The following SLC38A1 variants were observed in gnomAD, a reference collection of about 807,000 sequenced individuals.
The protein encoded by SLC38A1 is sodium-coupled neutral amino acid symporter 1.
In SLC38A1, 18 loss-of-function variants were observed where a neutral mutation model predicts 60.3. The ratio of observed to expected loss-of-function variants is 0.30; its 90% CI spans 0.21 to 0.44. The LOEUF (loss-of-function observed/expected upper bound fraction) is 0.44. Ranked by LOEUF, SLC38A1 falls within the 20% of genes least tolerant of loss-of-function variation. The probability of loss-of-function intolerance (pLI) is 1.00; values close to 1 mark genes in which losing one functional copy is unlikely to be tolerated. For missense variants in SLC38A1, 448 were observed against 587.2 expected (o/e 0.76, Z 2.45); for synonymous variants, 196 against 212.1 (o/e 0.92, Z 0.66).
chr12:46,207,383 A>G, intron 7 of SLC38A1, 146 bp downstream of exon 7: 1 of 1,034,394 alleles, frequency 9.7e-7, no homozygotes, highest in Non-Finnish European at 1.4e-6. Flanking sequence ...GTGGCTTTAA[A>G]TAAGTGACTG....
rs1456986950 is a variant in SLC38A1, at chr12:46,196,248, T to A, written c.1362+1472A>T. 4 of 1,535,952 alleles carry A rather than the reference T, an allele frequency of 2.6e-6. No individual in the cohort carries two copies. The South Asian group carries it at 3.6e-5, about 14-fold the overall frequency. ...GATGCATTCTGAGAGCCAACAGGGC[T>A]GGACTGGAAACTGGAGGAAGAGAAA... On this transcript the variant is annotated intron_variant, in intron 16 of 16. Transcript: ENST00000398637.
Position 46,188,758 on chromosome 12 carries a change from T to G in SLC38A1, c.*212A>C. On this transcript the variant is annotated 3_prime_UTR_variant, in exon 17 of 17. Coordinates refer to ENST00000398637, the MANE Select transcript of SLC38A1 (RefSeq NM_030674.4). ...ATTGTATGAAATTTGAAAAAAAAATTTCACAATCCCTAAATTGATCTCAAA... is the reference window on the plus strand; with the variant it reads ...ATTGTATGAAATTTGAAAAAAAAATGTCACAATCCCTAAATTGATCTCAAA... 2.3e-6 allele frequency: 1 copy of G among 434,694 alleles called. No individual in the cohort carries two copies. Among genetic ancestry groups the G allele is most frequent in the Non-Finnish European group, 4.1e-6 (1 of 242,088 alleles). The allele number at this position is 434,694 out of a possible 1,614,324, so 26.9% of individuals were successfully genotyped here.
intron 1 of SLC38A1, among the ~76,000 whole-genome samples, chr12:46,253,030 T>C (rs573293843): frequency 1.7e-4 from 24 of 141,256 alleles, no homozygotes; most frequent in African/African-American, 5.8e-4. Flanking sequence ...TACACAGACA[T>C]AGAGAATAAA....
At chr12:46,248,522 C>A (rs1377597344) in intron 1 of SLC38A1, among the ~76,000 whole-genome samples, 1 of 152,092 alleles carries the variant, frequency 6.6e-6, no homozygotes, top group African/African-American at 2.4e-5. Flanking sequence ...AGCACCCAGA[C>A]TCATAAAGCA....
At chr12:46,212,038 T>C (rs146247866) in intron 5 of SLC38A1, among the ~76,000 whole-genome samples, 1 of 152,352 alleles carries the variant, frequency 6.6e-6, no homozygotes, top group Admixed American at 6.5e-5. Context: ...TTCAGATTCT[T>C]AGAAAGAAGG....
intron 5 of SLC38A1, among the ~76,000 whole-genome samples, chr12:46,218,748 G>A (rs1000584122): frequency 1.3e-5 from 2 of 152,134 alleles, no homozygotes; most frequent in African/African-American, 2.4e-5. Flanking sequence ...CAGAGCATTC[G>A]GGGATCAGAG....
chr12:46,243,627 G>A (rs1941517798), intron 1 of SLC38A1, among the ~76,000 whole-genome samples: 1 of 152,192 alleles, frequency 6.6e-6, no homozygotes. Flanking sequence ...ACAGAGGCAG[G>A]AAGTGCAGAT....
At chr12:46,224,415 A>T (rs1287126793) in intron 5 of SLC38A1, among the ~76,000 whole-genome samples, 1 of 152,176 alleles carries the variant, frequency 6.6e-6, no homozygotes, top group Non-Finnish European at 1.5e-5. Context: ...GATGACAGCC[A>T]TTATGGATAG....
intron 1 of SLC38A1, among the ~76,000 whole-genome samples, chr12:46,262,055 C>CA (rs1334854190): frequency 6.6e-6 from 1 of 152,216 alleles, no homozygotes; most frequent in Non-Finnish European, 1.5e-5. Flanking sequence ...CAGAAGCTCA[C>CA]AGGGGATGAG....
chr12:46,256,366 G>T (rs1942022603), intron 1 of SLC38A1, among the ~76,000 whole-genome samples: 1 of 151,880 alleles, frequency 6.6e-6, no homozygotes, highest in South Asian at 2.1e-4. Context: ...CAAAATATTT[G>T]ATTTAAGCTT....
intron 2 of SLC38A1, among the ~76,000 whole-genome samples, chr12:46,242,032 G>A (rs1941465119): frequency 6.6e-6 from 1 of 152,214 alleles, no homozygotes; most frequent in East Asian, 1.9e-4. Context: ...AAATACATAT[G>A]TATGTATATA....
At chr12:46,230,920 C>A (rs1455109076) in intron 3 of SLC38A1, among the ~76,000 whole-genome samples, 1 of 152,086 alleles carries the variant, frequency 6.6e-6, no homozygotes, top group Non-Finnish European at 1.5e-5. Flanking sequence ...AATAGAACAC[C>A]ATTCCATCTA....
chr12:46,236,971 C>T (rs1941281519), intron 3 of SLC38A1, among the ~76,000 whole-genome samples: 1 of 152,178 alleles, frequency 6.6e-6, no homozygotes, highest in South Asian at 2.1e-4. Context: ...ATGACTACAA[C>T]CCCAAAATTT....
intron 2 of SLC38A1, 32 bp downstream of exon 2, chr12:46,243,168 G>A (rs1175946836): frequency 6.6e-6 from 1 of 151,710 alleles, no homozygotes; most frequent in Non-Finnish European, 1.5e-5. Context: ...TTTTTCAAAT[G>A]GAATAAAATG....
At chr12:46,240,316 C>G (rs886673609) in intron 2 of SLC38A1, among the ~76,000 whole-genome samples, 1 of 152,166 alleles carries the variant, frequency 6.6e-6, no homozygotes, top group Admixed American at 6.5e-5. Flanking sequence ...CCTGCCTCAG[C>G]CTCCCAAGTA....
intron 1 of SLC38A1, among the ~76,000 whole-genome samples, chr12:46,253,755 C>T (rs963908003): frequency 3.3e-5 from 5 of 151,922 alleles, no homozygotes; most frequent in African/African-American, 1.2e-4. Flanking sequence ...ATGCCTCTGA[C>T]ATTTCCCCCC....
chr12:46,201,327 C>G (rs529794610), intron 12 of SLC38A1, 129 bp from the exon 13 acceptor site: 3 of 718,370 alleles, frequency 4.2e-6, no homozygotes, highest in South Asian at 1.9e-5. Context: ...CTGAAATTAC[C>G]CCTGGCAGTT....
intron 16 of SLC38A1, among the ~76,000 whole-genome samples, chr12:46,193,609 G>A (rs149634520): frequency 0.01 from 1,590 of 152,234 alleles, 40 homozygotes; most frequent in African/African-American, 0.036. Context: ...ATGGATCTGG[G>A]TGCTCCTGTA....
intron 1 of SLC38A1, among the ~76,000 whole-genome samples, chr12:46,246,822 G>C (rs560208113): frequency 1.3e-5 from 2 of 152,316 alleles, no homozygotes; most frequent in South Asian, 4.1e-4. Context: ...GAAGGATCAG[G>C]CAGCAATATT....
Sources: allele counts gnomAD v4.1 joint callset (sites outside exome capture counted in the v4.1 genomes callset), GRCh38; gene constraint gnomAD v4.1.1; transcripts MANE v1.5; gene names NCBI Gene and HGNC (gene_info 2026-07-23, HGNC 2026-07-21).